Variants in ARSG observed in about 807,000 individuals in gnomAD.
The protein encoded by ARSG is arylsulfatase G, also known as ASG.
Under a neutral mutation model 50.5 loss-of-function variants are expected in ARSG, and 37 were observed. The ratio of observed to expected loss-of-function variants is 0.73; its 90% CI spans 0.56 to 0.96. The LOEUF (loss-of-function observed/expected upper bound fraction) is 0.96, where lower values mean the gene tolerates loss of function less well. Among genes scored for constraint, ARSG ranks in the 50% least tolerant of loss-of-function variants. The pLI is 0.00. For missense variants in ARSG, 629 were observed against 675.3 expected, an observed-to-expected ratio of 0.93 and a Z score of 0.76; for synonymous variants, 225 against 254.6, an observed-to-expected ratio of 0.88 and a Z score of 1.11.
chr17:68,320,673 A>G (rs373640484), intron 2 of ARSG, among the ~76,000 whole-genome samples: 9 of 152,214 alleles, frequency 5.9e-5, no homozygotes, highest in African/African-American at 2.2e-4. Context: ...TGATCCTGCA[A>G]GCTGTGGGGA....
chr17:68,320,779 G>A (rs1363390068), intron 2 of ARSG, among the ~76,000 whole-genome samples: 1 of 152,150 alleles, frequency 6.6e-6, no homozygotes, highest in Admixed American at 6.5e-5. Flanking sequence ...GGAAGGGCGG[G>A]GGTCACGTTG....
chr17:68,312,459 G>T (rs2076901104), intron 2 of ARSG, among the ~76,000 whole-genome samples: 1 of 152,088 alleles, frequency 6.6e-6, no homozygotes, highest in South Asian at 2.1e-4. Flanking sequence ...TAGCAGGTTA[G>T]CGGGGAAATA....
intron 9 of ARSG, among the ~76,000 whole-genome samples, chr17:68,390,253 G>A (rs2080930698): frequency 6.6e-6 from 1 of 152,014 alleles, no homozygotes; most frequent in South Asian, 2.1e-4. Context: ...AGGCCTTTCT[G>A]CATCCTCCTC....
chr17:68,368,001 C>T (rs569130579), intron 6 of ARSG, among the ~76,000 whole-genome samples: 5 of 152,046 alleles, frequency 3.3e-5, no homozygotes, highest in African/African-American at 9.7e-5. Context: ...ACCCAGGAGG[C>T]GGAAGTTGCA....
chr17:68,414,739 A>C (rs1420462278), intron 11 of ARSG, among the ~76,000 whole-genome samples: 1 of 152,134 alleles, frequency 6.6e-6, no homozygotes, highest in Admixed American at 6.5e-5. Flanking sequence ...CAGGGTATCT[A>C]ATTCTTCCTG....
intron 11 of ARSG, among the ~76,000 whole-genome samples, chr17:68,402,331 G>A (rs1027260760): frequency 8.6e-5 from 13 of 151,792 alleles, no homozygotes; most frequent in Admixed American, 7.2e-4. Flanking sequence ...TGCAACCTCC[G>A]CCTCTTGGGT....
intron 1 of ARSG, among the ~76,000 whole-genome samples, chr17:68,303,610 G>T (rs376134832): frequency 6.6e-6 from 1 of 152,010 alleles, no homozygotes; most frequent in Non-Finnish European, 1.5e-5. Context: ...CACTATGCCT[G>T]GCTAATTTTT....
chr17:68,403,911 A>C (rs1427706432), intron 11 of ARSG, among the ~76,000 whole-genome samples: 5 of 144,732 alleles, frequency 3.5e-5, no homozygotes, highest in Non-Finnish European at 7.5e-5. Flanking sequence ...TCCTGTGTCC[A>C]TGTGTTCTCA....
chr17:68,390,927 C>CTTTT (rs34688174), intron 9 of ARSG, among the ~76,000 whole-genome samples: 130 of 141,286 alleles, frequency 9.2e-4, no homozygotes, highest in African/African-American at 2.3e-3. Flanking sequence ...GTGCCCGGTC[C>CTTTT]TTTTTTTTTT....
At chr17:68,433,478 C>T in the ARSG span, 23 of 1,613,746 alleles carry the variant, frequency 1.4e-5, no homozygotes, top group South Asian at 2.4e-4. Context: ...CTGTTGGTGA[C>T]CTGTTCCAGC....
Position 68,378,323 on chromosome 17 carries a change from C to T in ARSG, c.983-6741C>T, listed in dbSNP as rs148431707. Among the ~76,000 whole-genome samples, 207 of 152,372 alleles carry T rather than the reference C, an allele frequency of 1.4e-3. No individual in the cohort carries two copies. The highest frequency in any genetic ancestry group is 3.6e-3 in the African/African-American group (148 of 41,592). ...CTTTCTCCCTGAAGCCAGGCTGCTG[C>T]GTCAGGCCACGTGCTGTCTTCCCCT... On this transcript the variant is annotated intron_variant, in intron 8 of 11. Coordinates refer to ENST00000621439, the MANE Select transcript of ARSG (RefSeq NM_001267727.2). This position sits in a 1 kb window ranked among gnomAD's most constrained non-coding sequence, Gnocchi z 4.4.
rs1442674506 is a variant in ARSG at position 68,330,985 on chromosome 17, G to C, written c.219-12619G>C. Among the ~76,000 whole-genome samples, 527 of 144,530 alleles carry C rather than the reference G, an allele frequency of 3.6e-3. 4 individuals carry two copies. Among genetic ancestry groups the C allele is most frequent in the Non-Finnish European group, 6.1e-3 (402 of 65,840 alleles). 94.8% of individuals were successfully genotyped at this position (144,530 alleles called of 152,430 possible). A position where few individuals can be genotyped will look rare whatever the true frequency, so the allele number is the denominator to read the frequency against. On this transcript the variant is annotated intron_variant, in intron 2 of 11. Coordinates refer to ENST00000621439, the MANE Select transcript of ARSG (RefSeq NM_001267727.2). ...TTTATTTCTTTTTTTTTGCGGGGGG[G>C]GGGGGAGGTGGTGGGCGGGGACAGA...
chr17:68,323,746 A>G (rs1555771396), intron 2 of ARSG, among the ~76,000 whole-genome samples: 2 of 152,184 alleles, frequency 1.3e-5, no homozygotes, highest in African/African-American at 2.4e-5. Context: ...TGGTGGCTCA[A>G]CAGCCTTTGA....
At chr17:68,360,146 G>A (rs2079215164) in intron 6 of ARSG, among the ~76,000 whole-genome samples, 1 of 152,160 alleles carries the variant, frequency 6.6e-6, no homozygotes, top group South Asian at 2.1e-4. Context: ...CAAATCAACC[G>A]ACAGCCTCCT....
At chr17:68,277,060 T>C (rs2075547168) in intron 1 of ARSG, among the ~76,000 whole-genome samples, 1 of 152,224 alleles carries the variant, frequency 6.6e-6, no homozygotes, top group Non-Finnish European at 1.5e-5. Context: ...ACACATCTCA[T>C]TTTGCTTCAT....
chr17:68,338,804 G>A (rs916436245), intron 2 of ARSG, among the ~76,000 whole-genome samples: 4 of 152,176 alleles, frequency 2.6e-5, no homozygotes, highest in African/African-American at 7.2e-5. Context: ...ATAACTATTC[G>A]TTGTAAAATG....
At chr17:68,266,060 G>A (rs1410972608) in intron 1 of ARSG, among the ~76,000 whole-genome samples, 1 of 152,140 alleles carries the variant, frequency 6.6e-6, no homozygotes, top group Admixed American at 6.6e-5. Flanking sequence ...GAATGACTCT[G>A]TAACTGGTTG....
chr17:68,427,724 T>C (rs975609916), downstream of ARSG, among the ~76,000 whole-genome samples: 6 of 152,144 alleles, frequency 3.9e-5, no homozygotes, highest in Admixed American at 2.0e-4. Flanking sequence ...TTCTCTTACA[T>C]TGGCTAGACA....
At chr17:68,360,873 G>A (rs2079250468) in intron 6 of ARSG, among the ~76,000 whole-genome samples, 1 of 152,124 alleles carries the variant, frequency 6.6e-6, no homozygotes, top group Non-Finnish European at 1.5e-5. Flanking sequence ...CACCCAGACT[G>A]GAGTGCAGTG....
Sources: gnomAD v4.1 joint callset for allele counts (sites outside exome capture counted in the v4.1 genomes callset) on GRCh38, gnomAD v4.1.1 for gene constraint, Gnocchi (gnomAD v3.1) non-coding constraint, MANE v1.5 for transcripts, NCBI Gene and HGNC (gene_info 2026-07-23, HGNC 2026-07-21) for gene names.